The following SLCO1C1 variants were observed in gnomAD, a reference collection of about 807,000 sequenced individuals.
The protein encoded by SLCO1C1 is OAT-RP-5.
In SLCO1C1, 70 loss-of-function variants were observed where a neutral mutation model predicts 76.4. The observed-to-expected ratio is 0.92, with a 90% CI of 0.76 to 1.12. The LOEUF (loss-of-function observed/expected upper bound fraction) is 1.12. Ranked by LOEUF, SLCO1C1 falls within the 50% of genes most tolerant of loss-of-function variation. The pLI is 0.00. For synonymous variants in SLCO1C1, 306 were observed against 286.1 expected (o/e 1.07, Z -0.70); for missense variants, 912 against 823.8 (o/e 1.11, Z -1.31).
In SLCO1C1 at chr12:20,752,584, A is replaced by C; in HGVS notation, c.*56A>C. 7.1e-7 allele frequency: 1 copy of C among 1,399,920 alleles called. No individual in the cohort carries two copies. Among genetic ancestry groups the C allele is most frequent in the South Asian group, 1.5e-5 (1 of 67,136 alleles). The allele number at this position is 1,399,920 out of a possible 1,614,324, so 86.7% of individuals were successfully genotyped here. A position where few individuals can be genotyped will look rare whatever the true frequency, so the allele number is the denominator to read the frequency against. ...ATTGGTTGACATTTTGCAAACAAATAAATTGTAATCAAAAGAGCTCTAAAT... is the reference window on the plus strand; with the variant it reads ...ATTGGTTGACATTTTGCAAACAAATCAATTGTAATCAAAAGAGCTCTAAAT... On this transcript the variant is annotated 3_prime_UTR_variant, in exon 15 of 15. Coordinates refer to ENST00000266509, the MANE Select transcript of SLCO1C1 (RefSeq NM_017435.5).
intron 1 of SLCO1C1, among the ~76,000 whole-genome samples, 194 bp from the exon 2 acceptor site, chr12:20,699,358 A>G (rs996917834): frequency 1.3e-4 from 20 of 152,014 alleles, no homozygotes; most frequent in Non-Finnish European, 7.4e-5. Context: ...CTGGCTACAG[A>G]GTTCCAATAG....
intron 13 of SLCO1C1, among the ~76,000 whole-genome samples, chr12:20,748,980 G>A (rs780468651): frequency 1.1e-4 from 16 of 152,054 alleles, no homozygotes; most frequent in Non-Finnish European, 1.5e-4. Context: ...TTGACACTTC[G>A]AGATTATGTC....
Position 20,699,614 on chromosome 12 carries a change from G to A in SLCO1C1, c.38G>A (p.Cys13Tyr). 1.2e-6 allele frequency: 2 copies of A among 1,612,168 alleles called. No homozygotes were observed. Among genetic ancestry groups the A allele is most frequent in the Non-Finnish European group, 1.7e-6 (2 of 1,178,990 alleles). Residue 13 changes from cysteine to tyrosine, a missense_variant, in exon 2 of 15, where the codon TGC (cysteine) becomes TAC (tyrosine). By Grantham distance (194) the Cys-to-Tyr change is radical. Transcript: ENST00000266509. ...TSSKENIQLF[C>Y]KTSVQPVGRP... The stretch of plus-strand genomic sequence containing the variant: ...TCCAAAGAAAATATCCAGTTGTTCT[G>A]CAAAACTTCAGTGCAACCTGTTGGA...
At chr12:20,695,965 T>C (rs995252957) in intron 1 of SLCO1C1, among the ~76,000 whole-genome samples, 158 bp downstream of exon 1, 1 of 152,084 alleles carries the variant, frequency 6.6e-6, no homozygotes, top group African/African-American at 2.4e-5. Flanking sequence ...AGAGAGAAGA[T>C]TGGTTAAAGA....
rs1327000003 is a variant in SLCO1C1 at position 20,721,902 on chromosome 12, T to C, written c.874T>C (p.Phe292Leu). 4 of 1,614,066 alleles carry C rather than the reference T, an allele frequency of 2.5e-6. No individual in the cohort carries two copies. The East Asian group carries it at 6.7e-5, about 27-fold the overall frequency. ...CATAAGTCTTCTTGCAGCTGTGCCT[T>C]TCTGGTATTTACCAAAGAGTTTACC... ...GIISLLAAVPFWYLPKSLPRS... is the reference protein window; with the variant it reads ...GIISLLAAVPLWYLPKSLPRS... The change falls in exon 8 of 15, where the codon TTC (phenylalanine) becomes CTC (leucine). Residue 292 changes from phenylalanine (F) to leucine (L), a missense_variant. By Grantham distance (22) the Phe-to-Leu change is conservative. Coordinates refer to ENST00000266509, the MANE Select transcript of SLCO1C1 (RefSeq NM_017435.5).
chr12:20,729,915 G>A lies in SLCO1C1; in HGVS notation c.1187-2994G>A, dbSNP rs150262444. On this transcript the variant is annotated intron_variant, in intron 9 of 14. Coordinates refer to ENST00000266509, the MANE Select transcript of SLCO1C1 (RefSeq NM_017435.5). ...CTAGCCACCAAAAAGAGGTAAATCA[G>A]GAAAGGATATTCCTGATTTTTAACA... Among the ~76,000 whole-genome samples the A allele has an allele frequency of 1.8e-3, 267 of 152,102 alleles. 1 individual carries two copies. Among genetic ancestry groups the A allele is most frequent in the Non-Finnish European group, 2.8e-3 (190 of 67,994 alleles).
At chr12:20,748,256 A>T (rs1949138448) in intron 13 of SLCO1C1, among the ~76,000 whole-genome samples, 1 of 152,180 alleles carries the variant, frequency 6.6e-6, no homozygotes, top group Non-Finnish European at 1.5e-5. Flanking sequence ...CGAAAATTTC[A>T]AATCTACCAA....
At chr12:20,725,769 A>T (rs987262271) in intron 9 of SLCO1C1, among the ~76,000 whole-genome samples, 22 of 151,896 alleles carry the variant, frequency 1.4e-4, no homozygotes, top group African/African-American at 5.3e-4. Context: ...TTAGAAACGT[A>T]AGAGCATTCC....
intron 12 of SLCO1C1, 83 bp downstream of exon 12, chr12:20,740,451 CTA>C: frequency 8.1e-7 from 1 of 1,242,164 alleles, no homozygotes; most frequent in Non-Finnish European, 1.1e-6. Context: ...TCTGTGGAGT[CTA>C]TGATTCCTCT....
chr12:20,716,168 G>T (rs1947351992), intron 6 of SLCO1C1, among the ~76,000 whole-genome samples: 1 of 152,128 alleles, frequency 6.6e-6, no homozygotes, highest in Non-Finnish European at 1.5e-5. Flanking sequence ...GACTCCAGGG[G>T]GTGCTGGTTA....
intron 12 of SLCO1C1, among the ~76,000 whole-genome samples, chr12:20,741,554 A>G (rs1948816793): frequency 6.6e-6 from 1 of 152,162 alleles, no homozygotes; most frequent in East Asian, 1.9e-4. Context: ...CTACTTTAAC[A>G]GTGACAAGCA....
At chr12:20,731,268 TCTGA>T (rs1332921351) in intron 9 of SLCO1C1, among the ~76,000 whole-genome samples, 1 of 152,194 alleles carries the variant, frequency 6.6e-6, no homozygotes, top group African/African-American at 2.4e-5. Flanking sequence ...CTTCTGCCAC[TCTGA>T]CTGATCTCCC....
At position 20,715,202 on chromosome 12, in the gene SLCO1C1, G is replaced by A. The variant is rs768057683; in HGVS notation, c.593G>A (p.Gly198Glu). The A allele has an allele frequency of 1.2e-6, 2 of 1,613,932 alleles. No homozygotes were observed. Among genetic ancestry groups the A allele is most frequent in the Non-Finnish European group, 1.7e-6 (2 of 1,179,958 alleles). The change falls in exon 6 of 15, where the codon GGA (glycine) becomes GAA (glutamate). Residue 198 changes from glycine to glutamate, a missense_variant. Physicochemically the swap from Gly to Glu is moderately conservative, Grantham distance 98. Coordinates refer to ENST00000266509, the MANE Select transcript of SLCO1C1 (RefSeq NM_017435.5). ...GTTTTCCTGGGCAATCTTCTTCGTG[G>A]AATAGGAGAAACTCCCATTCAGCCT... is the stretch of plus-strand genomic sequence containing the variant. ...IYVFLGNLLR[G>E]IGETPIQPLG...
intron 5 of SLCO1C1, among the ~76,000 whole-genome samples, chr12:20,712,066 T>C (rs768563618): frequency 2.6e-5 from 4 of 152,196 alleles, no homozygotes; most frequent in Non-Finnish European, 4.4e-5. Context: ...GTGGTCACAC[T>C]GTTTGGTCAT....
chr12:20,746,183 T>G (rs1333147128), intron 13 of SLCO1C1, among the ~76,000 whole-genome samples: 1 of 152,158 alleles, frequency 6.6e-6, no homozygotes, highest in Non-Finnish European at 1.5e-5. Context: ...GAGACTGGCC[T>G]CAAGGTGAGA....
intron 11 of SLCO1C1, among the ~76,000 whole-genome samples, chr12:20,738,514 T>A (rs890086433): frequency 6.6e-6 from 1 of 152,156 alleles, no homozygotes; most frequent in Admixed American, 6.5e-5. Context: ...TTCATTGTAT[T>A]ATTATTTTGA....
intron 9 of SLCO1C1, among the ~76,000 whole-genome samples, chr12:20,727,722 G>A (rs1455817104): frequency 6.6e-6 from 1 of 152,136 alleles, no homozygotes; most frequent in African/African-American, 2.4e-5. Context: ...TGTTAGCCAG[G>A]ATGGTCTCAA....
At chr12:20,731,004 G>A (rs12296191) in intron 9 of SLCO1C1, among the ~76,000 whole-genome samples, 17,396 of 152,170 alleles carry the variant, frequency 0.11, 2,558 homozygotes, top group African/African-American at 0.34. Flanking sequence ...GAGTCAACAC[G>A]CCTGTGGGTA....
intron 9 of SLCO1C1, among the ~76,000 whole-genome samples, chr12:20,725,184 CAT>C (rs1331156747): frequency 8.4e-5 from 11 of 130,210 alleles, no homozygotes; most frequent in South Asian, 2.4e-4. Context: ...TATTATAAAT[CAT>C]ATAATTATTT....
Sources: gnomAD v4.1 joint callset for allele counts (sites outside exome capture counted in the v4.1 genomes callset) on GRCh38, gnomAD v4.1.1 for gene constraint, MANE v1.5 for transcripts, NCBI Gene and HGNC (gene_info 2026-07-23, HGNC 2026-07-21) for gene names.